Variants in OVOL2 observed in about 807,000 individuals in gnomAD.
OVOL2 encodes transcription factor Ovo-like 2.
OVOL2 carries 13 observed loss-of-function variants against 18.1 expected under a neutral mutation model. The ratio of observed to expected loss-of-function variants is 0.72; its 90% CI spans 0.47 to 1.14. The LOEUF is 1.14. Ranked by LOEUF, OVOL2 falls within the 50% of genes most tolerant of loss-of-function variation. OVOL2 has a pLI of 0.00. For synonymous variants in OVOL2, 166 were observed against 162.7 expected (o/e 1.02, Z -0.16); for missense variants, 335 against 383.0 (o/e 0.87, Z 1.05).
At chr20:18,032,487 G>T (rs924662354) in intron 3 of OVOL2, among the ~76,000 whole-genome samples, 2 of 151,096 alleles carry the variant, frequency 1.3e-5, no homozygotes, top group Admixed American at 6.6e-5. Flanking sequence ...TGGAAATTTT[G>T]TCATGATTTC....
At chr20:18,053,680 C>T (rs953782567) in intron 2 of OVOL2, among the ~76,000 whole-genome samples, 23 of 141,314 alleles carry the variant, frequency 1.6e-4, no homozygotes, top group Admixed American at 1.4e-3. Flanking sequence ...CAGCTCCAGG[C>T]GACAGAGAGA....
At chr20:18,025,671 C>T (rs1051880826) in intron 3 of OVOL2, among the ~76,000 whole-genome samples, 6 of 152,214 alleles carry the variant, frequency 3.9e-5, no homozygotes, top group East Asian at 3.9e-4. Flanking sequence ...TATAGGGCAA[C>T]GAAGATGTGA....
chr20:18,041,440 T>C, intron 3 of OVOL2, 94 bp downstream of exon 3: 1 of 1,417,108 alleles, frequency 7.1e-7, no homozygotes, highest in Non-Finnish European at 9.6e-7. Context: ...ACAACATTGT[T>C]CCACGGTCTC....
intron 2 of OVOL2, chr20:18,050,559 C>T (rs535480968): frequency 1.3e-5 from 2 of 152,310 alleles, no homozygotes; most frequent in African/African-American, 4.8e-5. Flanking sequence ...AAACCTACTT[C>T]ACCTATATTC....
chr20:18,057,431 G>T lies in OVOL2; in HGVS notation c.100+104C>A. On this transcript the variant is annotated intron_variant, in intron 1 of 3. Transcript: ENST00000278780. The surrounding 1 kb of genome is among the most constrained non-coding windows in gnomAD (Gnocchi z 6.3). ...CCCCGCGTGCCCCCCGGAAGAGGGG[G>T]ATGAGGTGGGGAGCCCGCCCCTGCC... 3 of 1,320,344 alleles carry T rather than the reference G, an allele frequency of 2.3e-6. No homozygotes were observed. The highest frequency in any genetic ancestry group is 3.1e-6 in the Non-Finnish European group (3 of 964,370). 81.8% of individuals were successfully genotyped at this position (1,320,344 alleles called of 1,614,324 possible). A position where few individuals can be genotyped will look rare whatever the true frequency, so the allele number is the denominator to read the frequency against.
rs888204686 is a variant in OVOL2, at chr20:18,057,707, C to A, written c.-73G>T. ...CCGCTAGGGGCAACGGCGGCGGCTC[C>A]GTCCCCGGCTCCCGGCGGCCAGAGC... is the stretch of plus-strand genomic sequence containing the variant. On this transcript the variant is annotated 5_prime_UTR_variant, in exon 1 of 4. Transcript: ENST00000278780. This position sits in a 1 kb window ranked among gnomAD's most constrained non-coding sequence, Gnocchi z 6.3. The A allele has an allele frequency of 6.8e-7, 1 of 1,474,036 alleles. No individual in the cohort carries two copies. Among genetic ancestry groups the A allele is most frequent in the Non-Finnish European group, 9.0e-7 (1 of 1,113,756 alleles). The allele number at this position is 1,474,036 out of a possible 1,614,324, so 91.3% of individuals were successfully genotyped here. A position where few individuals can be genotyped will look rare whatever the true frequency, so the allele number is the denominator to read the frequency against.
intron 2 of OVOL2, among the ~76,000 whole-genome samples, chr20:18,047,853 CAAAAAAA>C (rs34668253): frequency 2.3e-4 from 11 of 47,158 alleles, no homozygotes; most frequent in Admixed American, 1.3e-3. Context: ...GACTCCGTCT[CAAAAAAA>C]AAAAAAAAAA....
At chr20:18,045,754 C>T (rs1375776943) in intron 2 of OVOL2, among the ~76,000 whole-genome samples, 3 of 152,172 alleles carry the variant, frequency 2.0e-5, no homozygotes, top group African/African-American at 7.2e-5. Flanking sequence ...GCTGGGATTA[C>T]AGGCGTGAGC....
chr20:18,042,711 G>T (rs2036684027), intron 2 of OVOL2, among the ~76,000 whole-genome samples: 1 of 148,688 alleles, frequency 6.7e-6, no homozygotes, highest in Non-Finnish European at 1.5e-5. Flanking sequence ...AGGAGGCAAA[G>T]GTTGCGGTGA....
In OVOL2 at chr20:18,034,649, TCTCA is replaced by T. The variant is rs1268538114; in HGVS notation, c.511+6881_511+6884del. Among the ~76,000 whole-genome samples the T allele has an allele frequency of 7.2e-3, 1,051 of 145,030 alleles. 10 individuals carry two copies. The highest frequency in any genetic ancestry group is 0.024 in the African/African-American group (946 of 39,906). On this transcript the variant is annotated intron_variant, in intron 3 of 3. Transcript: ENST00000278780. ...CTTTCTCTCTCTCTCTCTCTCTCTC[TCTCA>T]CACACACACACACACACACCCCTCC...
chr20:18,056,681 G>T lies in OVOL2; in HGVS notation c.297C>A (p.Arg99=), dbSNP rs759130608. 2.1e-6 allele frequency: 3 copies of T among 1,435,452 alleles called. No individual in the cohort carries two copies. Among genetic ancestry groups the T allele is most frequent in the South Asian group, 1.5e-5 (1 of 66,324 alleles). The allele number at this position is 1,435,452 out of a possible 1,614,324, so 88.9% of individuals were successfully genotyped here. ...CCTTGATTTTCGATCTGGCGACCGG[G>T]CGCTGCTTGGTCGCCAGGTGTCCAT... is the stretch of plus-strand genomic sequence containing the variant. ...GPDGHLATKQ[R]PVARSKIKFT... is the part of the protein sequence containing the mutation. The change falls in exon 2 of 4, where the codon CGC becomes CGA. Residue 99 remains arginine, a synonymous_variant. Coordinates refer to ENST00000278780, the MANE Select transcript of OVOL2 (RefSeq NM_021220.4). The surrounding 1 kb of genome is among the most constrained non-coding windows in gnomAD (Gnocchi z 4.2).
chr20:18,042,259 C>G (rs563171866), intron 2 of OVOL2, among the ~76,000 whole-genome samples: 15 of 152,218 alleles, frequency 9.9e-5, no homozygotes, highest in Non-Finnish European at 1.6e-4. Context: ...GAACAAACCT[C>G]TGACTTCTAG....
chr20:18,057,125 G>A lies in OVOL2; in HGVS notation c.101-248C>T, dbSNP rs2036836270. Among the ~76,000 whole-genome samples, 1 of 152,320 alleles carries A rather than the reference G, an allele frequency of 6.6e-6. No homozygotes were observed. Among genetic ancestry groups the A allele is most frequent in the South Asian group, 2.1e-4 (1 of 4,834 alleles). On this transcript the variant is annotated intron_variant, in intron 1 of 3. Transcript: ENST00000278780. This position sits in a 1 kb window ranked among gnomAD's most constrained non-coding sequence, Gnocchi z 6.3. ...GAACCGGGCGGCCACGAGCGGCGGA[G>A]GACCCCGCGCGCCAAGTTTCCTCTC... is the stretch of plus-strand genomic sequence containing the variant.
intron 2 of OVOL2, among the ~76,000 whole-genome samples, chr20:18,051,962 A>ACTC (rs2036775280): frequency 6.6e-6 from 1 of 150,894 alleles, no homozygotes; most frequent in South Asian, 2.1e-4. Flanking sequence ...CTGGTCTTGA[A>ACTC]CTCCTGACCT....
At chr20:18,036,908 G>A (rs958002378) in intron 3 of OVOL2, among the ~76,000 whole-genome samples, 3 of 152,152 alleles carry the variant, frequency 2.0e-5, no homozygotes, top group Admixed American at 1.3e-4. Context: ...AGGCCGAGGC[G>A]GGCGGATCAC....
chr20:18,031,776 C>G (rs138916534), intron 3 of OVOL2, among the ~76,000 whole-genome samples: 54 of 152,212 alleles, frequency 3.5e-4, no homozygotes, highest in Admixed American at 3.0e-3. Context: ...AATTTTGTAC[C>G]ATCAGCCTGT....
At chr20:18,043,731 G>T (rs943521489) in intron 2 of OVOL2, among the ~76,000 whole-genome samples, 1 of 152,084 alleles carries the variant, frequency 6.6e-6, no homozygotes, top group African/African-American at 2.4e-5. Context: ...ACCAGACCTG[G>T]GTCTGGACTC....
At chr20:18,057,995 G>GGAACAGGCAGC, upstream of OVOL2, 2 of 485,982 alleles carry the variant, frequency 4.1e-6, no homozygotes, top group Non-Finnish European at 5.9e-6. This position sits in a 1 kb window ranked among gnomAD's most constrained non-coding sequence, Gnocchi z 6.3. Flanking sequence ...GGCCGGGGCT[G>GGAACAGGCAGC]CCTGTTCCAG....
At position 18,024,472 on chromosome 20, in the gene OVOL2, C is replaced by T; in HGVS notation, c.*164G>A. The T allele has an allele frequency of 7.2e-7, 1 of 1,386,586 alleles. No individual in the cohort carries two copies. Among genetic ancestry groups the T allele is most frequent in the Non-Finnish European group, 9.5e-7 (1 of 1,057,338 alleles). The allele number at this position is 1,386,586 out of a possible 1,614,324, so 85.9% of individuals were successfully genotyped here. On this transcript the variant is annotated 3_prime_UTR_variant, in exon 4 of 4. Coordinates refer to ENST00000278780, the MANE Select transcript of OVOL2 (RefSeq NM_021220.4). ...CAGGGCCTGACGTCACTAACGGCAA[C>T]TGACAATCTTGGAATGGACCCTACT... is the stretch of plus-strand genomic sequence containing the variant.
Sources: allele counts gnomAD v4.1 joint callset (sites outside exome capture counted in the v4.1 genomes callset), GRCh38; gene constraint gnomAD v4.1.1; non-coding constraint Gnocchi (gnomAD v3.1); transcripts MANE v1.5; gene names NCBI Gene and HGNC (gene_info 2026-07-23, HGNC 2026-07-21).